Variants in KDM5A observed in about 807,000 individuals in gnomAD.
The protein encoded by KDM5A is lysine demethylase 5A, also known as lysine-specific demethylase 5A.
A neutral mutation model predicts 193.5 loss-of-function variants in KDM5A; 42 were observed. The observed-to-expected ratio is 0.22, with a 90% CI of 0.17 to 0.28. The LOEUF (loss-of-function observed/expected upper bound fraction) is 0.28, where lower values mean the gene tolerates loss of function less well. KDM5A is among the 10% of genes least tolerant of loss of function. The pLI is 1.00. For synonymous variants in KDM5A, 796 were observed against 718.1 expected (o/e 1.11, Z -1.73); for missense variants, 1,692 against 2,055.1 (o/e 0.82, Z 3.42).
chr12:361,509 TA>T (rs1168989258), intron 5 of KDM5A, among the ~76,000 whole-genome samples: 1 of 152,004 alleles, frequency 6.6e-6, no homozygotes, highest in African/African-American at 2.4e-5. Flanking sequence ...TCCCCATTTT[TA>T]TAATAAAGAA....
chr12:329,488 A>G (rs1943835626), intron 13 of KDM5A, among the ~76,000 whole-genome samples: 1 of 149,880 alleles, frequency 6.7e-6, no homozygotes, highest in African/African-American at 2.4e-5. Flanking sequence ...TTATTAGAAG[A>G]AAAAAAAAAG....
intron 5 of KDM5A, among the ~76,000 whole-genome samples, chr12:357,824 T>C (rs566491052): frequency 8.5e-5 from 1 of 11,736 alleles, no homozygotes; most frequent in Admixed American, 1.3e-3. Context: ...CAAGACTCAG[T>C]CTCAAAAAAA....
chr12:294,219 T>G (rs1024086725), intron 26 of KDM5A, among the ~76,000 whole-genome samples: 7 of 152,230 alleles, frequency 4.6e-5, no homozygotes, highest in African/African-American at 7.2e-5. Flanking sequence ...AGCTTTTTAA[T>G]ATTGTTGCTA....
chr12:337,244 T>G (rs1447556188), intron 10 of KDM5A, among the ~76,000 whole-genome samples: 1 of 152,246 alleles, frequency 6.6e-6, no homozygotes, highest in Admixed American at 6.5e-5. Flanking sequence ...GTTCAGCCTG[T>G]GGAACCTGTA....
At chr12:383,048 AAAACTTGTCT>A (rs1591943566) in intron 3 of KDM5A, among the ~76,000 whole-genome samples, 1 of 152,144 alleles carries the variant, frequency 6.6e-6, no homozygotes, top group East Asian at 1.9e-4. Flanking sequence ...AATTTCAGCA[AAAACTTGTCT>A]AAACTCTTCA....
rs534326124 is a variant in KDM5A, at chr12:318,371, T to G, written c.2632A>C (p.Ile878Leu). Reference protein sequence around the residue: ...TPDSSKLQMLIDMGSSLYVEL... With the variant: ...TPDSSKLQMLLDMGSSLYVEL... ...ACATAGAGACTAGAGCCCATATCTA[T>G]CAACATCTGGAGTTTGGAAGAATCT... The change falls in exon 19 of 28, where the codon ATA (isoleucine) becomes CTA (leucine). Residue 878 changes from isoleucine (I) to leucine (L), a missense_variant. Around this residue, in one of 11 missense-constraint regions of KDM5A, gnomAD observed 965 missense variants for 1,061.0 expected, o/e 0.91. Transcript: ENST00000399788. The G allele has an allele frequency of 6.2e-7, 1 of 1,614,186 alleles. No homozygotes were observed. Among genetic ancestry groups the G allele is most frequent in the Non-Finnish European group, 8.5e-7 (1 of 1,180,012 alleles).
intron 3 of KDM5A, among the ~76,000 whole-genome samples, chr12:375,284 T>C (rs1305397986): frequency 1.3e-5 from 2 of 152,224 alleles, no homozygotes; most frequent in East Asian, 1.9e-4. Flanking sequence ...TTTACTCTTT[T>C]TTCTCTAAAG....
At chr12:330,857 C>T (rs954820127) in intron 13 of KDM5A, among the ~76,000 whole-genome samples, 3 of 151,990 alleles carry the variant, frequency 2.0e-5, no homozygotes, top group African/African-American at 7.2e-5. Context: ...AAAGGATTTC[C>T]CCCAAAATGT....
In KDM5A at chr12:282,273, G is replaced by A. The variant is rs970535750; in HGVS notation, c.*3183C>T. 11 of 236,438 alleles carry A rather than the reference G, an allele frequency of 4.7e-5. No homozygotes were observed. Among genetic ancestry groups the A allele is most frequent in the African/African-American group, 2.4e-4 (11 of 45,378 alleles). 14.6% of individuals were successfully genotyped at this position (236,438 alleles called of 1,614,324 possible). On this transcript the variant is annotated 3_prime_UTR_variant, in exon 28 of 28. Transcript: ENST00000399788. ...TCCCACTTCAGCCTCCTGACCACAG[G>A]TGCACTCTACTGCACCTGGCTGCCA...
intron 24 of KDM5A, among the ~76,000 whole-genome samples, chr12:305,518 A>AG (rs1460682724): frequency 6.6e-6 from 1 of 152,180 alleles, no homozygotes; most frequent in African/African-American, 2.4e-5. Flanking sequence ...AAGATAGTGA[A>AG]GGGGTAGGAA....
intron 24 of KDM5A, among the ~76,000 whole-genome samples, chr12:301,781 T>C (rs909906203): frequency 2.6e-5 from 4 of 152,116 alleles, no homozygotes; most frequent in Non-Finnish European, 5.9e-5. Flanking sequence ...AACCCCATCA[T>C]CTCAGCCCAA....
In KDM5A at chr12:280,491, T is replaced by C. The variant is rs1943144062; in HGVS notation, c.*4965A>G. ...CTTTCAACCAACCCTCCTCCTAACA[T>C]ACACATACAGAGTTACACATTTCAT... is the stretch of plus-strand genomic sequence containing the variant. On this transcript the variant is annotated 3_prime_UTR_variant, in exon 28 of 28. Transcript: ENST00000399788. The C allele has an allele frequency of 1.3e-5, 3 of 233,046 alleles. No homozygotes were observed. Among genetic ancestry groups the C allele is most frequent in the Middle Eastern group, 1.3e-3 (1 of 786 alleles). 14.4% of individuals were successfully genotyped at this position (233,046 alleles called of 1,614,324 possible).
chr12:326,627 C>T (rs557456287), intron 14 of KDM5A, among the ~76,000 whole-genome samples: 41 of 152,146 alleles, frequency 2.7e-4, no homozygotes, highest in African/African-American at 8.9e-4. Flanking sequence ...TTTGGGAGGC[C>T]GAGGTGGACG....
chr12:283,576 T>C lies in KDM5A; in HGVS notation c.*1880A>G, dbSNP rs748087879. On this transcript the variant is annotated 3_prime_UTR_variant, in exon 28 of 28. Coordinates refer to ENST00000399788, the MANE Select transcript of KDM5A (RefSeq NM_001042603.3). ...TTTTTTTGTAAGATTCCTTTTGAGT[T>C]AAATCTCATACCCACTCAAACTGTA... is the stretch of plus-strand genomic sequence containing the variant. 8.6e-6 allele frequency: 2 copies of C among 233,148 alleles called. No homozygotes were observed. Among genetic ancestry groups the C allele is most frequent in the South Asian group, 3.6e-4 (2 of 5,524 alleles). 14.4% of individuals were successfully genotyped at this position (233,148 alleles called of 1,614,324 possible).
rs147224512 is a variant in KDM5A at position 379,703 on chromosome 12, G to A, written c.366+4328C>T. The stretch of plus-strand genomic sequence containing the variant: ...GGTTGGGGAAAGAGATGTCCATGAG[G>A]ACTTAAAAAAACCCACAAAGACAAG... On this transcript the variant is annotated intron_variant, in intron 3 of 27. Coordinates refer to ENST00000399788, the MANE Select transcript of KDM5A (RefSeq NM_001042603.3). Among the ~76,000 whole-genome samples the A allele has an allele frequency of 2.8e-3, 428 of 151,986 alleles. 13 individuals are homozygous for A. The East Asian group carries it at 0.065, about 23-fold the overall frequency.
intron 10 of KDM5A, among the ~76,000 whole-genome samples, chr12:339,875 ATTTTT>A (rs202004318): frequency 2.8e-5 from 4 of 140,814 alleles, no homozygotes; most frequent in Non-Finnish European, 6.2e-5. Flanking sequence ...AAGAAGTCTG[ATTTTT>A]TTTTTTTTTT....
At chr12:290,432 T>C (rs1371851584) in intron 27 of KDM5A, among the ~76,000 whole-genome samples, 1 of 152,208 alleles carries the variant, frequency 6.6e-6, no homozygotes, top group Non-Finnish European at 1.5e-5. Flanking sequence ...CCTTTACGTA[T>C]CGTAACAGTT....
chr12:370,339 G>A (rs773204204), intron 3 of KDM5A, among the ~76,000 whole-genome samples: 64 of 152,206 alleles, frequency 4.2e-4, no homozygotes, highest in Non-Finnish European at 7.9e-4. Context: ...ATTGCAGGGA[G>A]CTGGTTTCAT....
chr12:295,735 T>C lies in KDM5A; in HGVS notation c.4293A>G (p.Glu1431=). Residue 1431 remains glutamate, a synonymous_variant, in exon 26 of 28, where the codon GAA becomes GAG. Coordinates refer to ENST00000399788, the MANE Select transcript of KDM5A (RefSeq NM_001042603.3). ...RKSPLVPRSL[E]PPVLELSPGA... ...CAGGTGACAACTCCAGCACTGGAGGTTCCAAACTTCGGGGCACCAAAGGGC... is the reference window on the plus strand; with the variant it reads ...CAGGTGACAACTCCAGCACTGGAGGCTCCAAACTTCGGGGCACCAAAGGGC... 6.2e-7 allele frequency: 1 copy of C among 1,613,984 alleles called. No individual in the cohort carries two copies. The highest frequency in any genetic ancestry group is 8.5e-7 in the Non-Finnish European group (1 of 1,179,984).
Sources: allele counts gnomAD v4.1 joint callset (sites outside exome capture counted in the v4.1 genomes callset), GRCh38; gene constraint gnomAD v4.1.1; regional missense constraint gnomAD v4.1.1; transcripts MANE v1.5; gene names NCBI Gene and HGNC (gene_info 2026-07-23, HGNC 2026-07-21).